The following USP5 variants were observed in gnomAD, a reference collection of about 807,000 sequenced individuals.
USP5 encodes ubiquitin carboxyl-terminal hydrolase 5.
USP5 carries 24 observed loss-of-function variants against 102.5 expected under a neutral mutation model. That is an observed-to-expected ratio of 0.23 (90% CI 0.17 to 0.33). The LOEUF (loss-of-function observed/expected upper bound fraction) is 0.33. Among genes scored for constraint, USP5 ranks in the 10% least tolerant of loss-of-function variants. The pLI is 1.00. For missense variants in USP5, 753 were observed against 1,122.1 expected (o/e 0.67, Z 4.70); for synonymous variants, 460 against 434.8 (o/e 1.06, Z -0.72).
At position 6,860,106 on chromosome 12, in the gene USP5, T is replaced by TC. The variant is rs1555129189; in HGVS notation, c.1131-44dup. 3.1e-6 allele frequency: 5 copies of TC among 1,598,570 alleles called. No homozygotes were observed. Among genetic ancestry groups the TC allele is most frequent in the Non-Finnish European group, 4.3e-6 (5 of 1,173,908 alleles). ...GGGGTTGAGCTGGGGACACACAGGG[T>TC]CGTTAGTTGACTGAAGTGAAATGTT... On this transcript the variant is annotated intron_variant, in intron 9 of 19. Coordinates refer to ENST00000229268, the MANE Select transcript of USP5 (RefSeq NM_001098536.2). The surrounding 1 kb of genome is among the most constrained non-coding windows in gnomAD (Gnocchi z 5.5).
In USP5 at chr12:6,859,458, C is replaced by T. The variant is rs201681376; in HGVS notation, c.1059-12C>T. The stretch of plus-strand genomic sequence containing the variant: ...CCAGAGCCCCTCCAACTGTCCTTCC[C>T]TTGACTTTTAGGTATGTGGATAAGC... On this transcript the variant is annotated splice_polypyrimidine_tract_variant and intron_variant, in intron 8 of 19. Transcript: ENST00000229268. 2.0e-4 allele frequency: 315 copies of T among 1,614,060 alleles called. No homozygotes were observed. The African/African-American group carries it at 3.0e-3, about 16-fold the overall frequency.
rs1944097151 is a variant in USP5 at position 6,855,947 on chromosome 12, G to A, written c.305-70G>A. ...GAACTCTGGATGGGGCAAGTGAGGT[G>A]CTGGCTCGGAGGAGGGACATTGACC... On this transcript the variant is annotated intron_variant, in intron 3 of 19. Coordinates refer to ENST00000229268, the MANE Select transcript of USP5 (RefSeq NM_001098536.2). The surrounding 1 kb of genome is among the most constrained non-coding windows in gnomAD (Gnocchi z 4.6). 1.9e-6 allele frequency: 3 copies of A among 1,606,598 alleles called. No homozygotes were observed. Among genetic ancestry groups the A allele is most frequent in the Admixed American group, 3.3e-5 (2 of 59,848 alleles).
chr12:6,860,279 G>A lies in USP5; in HGVS notation c.1218+41G>A. ...TGTCCCTTTCAGGCCCTGGGATTGTGGGGAAGCTGAGGTCTGGGAGATGTC... is the reference window on the plus strand; with the variant it reads ...TGTCCCTTTCAGGCCCTGGGATTGTAGGGAAGCTGAGGTCTGGGAGATGTC... On this transcript the variant is annotated intron_variant, in intron 10 of 19. Transcript: ENST00000229268. The surrounding 1 kb of genome is among the most constrained non-coding windows in gnomAD (Gnocchi z 5.5). The A allele has an allele frequency of 6.2e-7, 1 of 1,611,022 alleles. No homozygotes were observed. Among genetic ancestry groups the A allele is most frequent in the Non-Finnish European group, 8.5e-7 (1 of 1,177,796 alleles).
chr12:6,862,622 A>G (rs1944312485), intron 14 of USP5, 64 bp downstream of exon 14: 1 of 1,442,740 alleles, frequency 6.9e-7, no homozygotes, highest in East Asian at 2.3e-5. Flanking sequence ...GCTTTAACAC[A>G]TATAAACTAG....
In USP5 at chr12:6,864,776, G is replaced by T; in HGVS notation, c.2299G>T (p.Asp767Tyr). 6.2e-7 allele frequency: 1 copy of T among 1,613,690 alleles called. No individual in the cohort carries two copies. Among genetic ancestry groups the T allele is most frequent in the Non-Finnish European group, 8.5e-7 (1 of 1,180,046 alleles). The stretch of plus-strand genomic sequence containing the variant: ...GATCTTCAGTCACATTGACGACCTG[G>T]ATGCTGAAGCTGCCATGGACATCTC... Reference protein sequence around the residue: ...DWIFSHIDDLDAEAAMDISEG... With the variant: ...DWIFSHIDDLYAEAAMDISEG... The change falls in exon 18 of 20, where the codon GAT (aspartate) becomes TAT (tyrosine). Residue 767 changes from aspartate to tyrosine, a missense_variant. Physicochemically the swap from Asp to Tyr is radical, Grantham distance 160. This residue lies in a region of USP5 where 193 missense variants were observed against 230.2 expected (regional missense o/e 0.84). Coordinates refer to ENST00000229268, the MANE Select transcript of USP5 (RefSeq NM_001098536.2). The surrounding 1 kb of genome is among the most constrained non-coding windows in gnomAD (Gnocchi z 4.8).
intron 18 of USP5, 84 bp from the exon 19 acceptor site, chr12:6,865,080 T>G: frequency 7.3e-7 from 1 of 1,373,104 alleles, no homozygotes. Flanking sequence ...CTGTCCTGAG[T>G]CTGAGCTGTT....
In USP5 at chr12:6,856,835, G is replaced by A. The variant is rs200723728; in HGVS notation, c.713G>A (p.Arg238Gln). 429 of 1,614,150 alleles carry A rather than the reference G, an allele frequency of 2.7e-4. No homozygotes were observed. Among genetic ancestry groups the A allele is most frequent in the Non-Finnish European group, 1.9e-4 (225 of 1,180,032 alleles). Residue 238 changes from arginine (R) to glutamine (Q), a missense_variant, in exon 6 of 20, where the codon CGA becomes CAA. Transcript: ENST00000229268. The surrounding 1 kb of genome is among the most constrained non-coding windows in gnomAD (Gnocchi z 5.6). ...GGNNHAVEHY[R>Q]ETGYPLAVKL... ...AACAACCACGCTGTGGAGCACTACC[G>A]AGAGACAGGCTACCCGTTAGCTGTC...
Position 6,861,319 on chromosome 12 carries a change from A to T in USP5, c.1499-124A>T, listed in dbSNP as rs1003048231. On this transcript the variant is annotated intron_variant, in intron 12 of 19. Transcript: ENST00000229268. The surrounding 1 kb of genome is among the most constrained non-coding windows in gnomAD (Gnocchi z 4.9). ...TGGAAACAGGCGAGATATATTGGAC[A>T]TGTGTCAGGGGTGCTTTGGAAGGGT... 2.3e-6 allele frequency: 3 copies of T among 1,313,868 alleles called. No individual in the cohort carries two copies. Among genetic ancestry groups the T allele is most frequent in the South Asian group, 1.4e-5 (1 of 70,352 alleles). The allele number at this position is 1,313,868 out of a possible 1,614,324, so 81.4% of individuals were successfully genotyped here. A position where few individuals can be genotyped will look rare whatever the true frequency, so the allele number is the denominator to read the frequency against.
In USP5 at chr12:6,855,360, A is replaced by C; in HGVS notation, c.112-41A>C. 1 of 1,608,750 alleles carries C rather than the reference A, an allele frequency of 6.2e-7. No individual in the cohort carries two copies. The highest frequency in any genetic ancestry group is 8.5e-7 in the Non-Finnish European group (1 of 1,177,552). On this transcript the variant is annotated intron_variant, in intron 1 of 19. Coordinates refer to ENST00000229268, the MANE Select transcript of USP5 (RefSeq NM_001098536.2). This position sits in a 1 kb window ranked among gnomAD's most constrained non-coding sequence, Gnocchi z 4.6. ...TGGTTTCCTCACCTGACCAGGCTTC[A>C]TAACATCCTCGTGTTTTCACCCTTA... is the stretch of plus-strand genomic sequence containing the variant.
Position 6,860,826 on chromosome 12 carries a change from CT to C in USP5, c.1345-126del. On this transcript the variant is annotated intron_variant, in intron 11 of 19. Coordinates refer to ENST00000229268, the MANE Select transcript of USP5 (RefSeq NM_001098536.2). This position sits in a 1 kb window ranked among gnomAD's most constrained non-coding sequence, Gnocchi z 5.5. ...GTTGGTGAATTAGGGAAGGTTTCTG[CT>C]CTGCTCTTGTGTCCCTGAGTTCCGA... is the stretch of plus-strand genomic sequence containing the variant. 7.2e-7 allele frequency: 1 copy of C among 1,387,226 alleles called. No homozygotes were observed. The highest frequency in any genetic ancestry group is 9.9e-7 in the Non-Finnish European group (1 of 1,009,072). The allele number at this position is 1,387,226 out of a possible 1,614,324, so 85.9% of individuals were successfully genotyped here. A position where few individuals can be genotyped will look rare whatever the true frequency, so the allele number is the denominator to read the frequency against.
rs781892418 is a variant in USP5 at position 6,864,715 on chromosome 12, C to T, written c.2245-7C>T. 1.9e-6 allele frequency: 3 copies of T among 1,605,184 alleles called. No homozygotes were observed. The African/African-American group carries it at 4.0e-5, about 21-fold the overall frequency. On this transcript the variant is annotated splice_region_variant and splice_polypyrimidine_tract_variant and intron_variant, in intron 17 of 19. Transcript: ENST00000229268. The surrounding 1 kb of genome is among the most constrained non-coding windows in gnomAD (Gnocchi z 4.8). ...AGAAAAAAAGTAATGCTTCCTTCCTCTCCAAGAACAATAGTTTAGAACGGG... is the reference window on the plus strand; with the variant it reads ...AGAAAAAAAGTAATGCTTCCTTCCTTTCCAAGAACAATAGTTTAGAACGGG...
In USP5 at chr12:6,856,042, C is replaced by T. The variant is rs182182969; in HGVS notation, c.330C>T (p.Ser110=). 28 of 1,614,086 alleles carry T rather than the reference C, an allele frequency of 1.7e-5. 1 individual carries two copies. The Admixed American group carries it at 1.8e-4, about 11-fold the overall frequency. Residue 110 remains serine (S), a synonymous_variant, in exon 4 of 20, where the codon AGC becomes AGT. Coordinates refer to ENST00000229268, the MANE Select transcript of USP5 (RefSeq NM_001098536.2). This position sits in a 1 kb window ranked among gnomAD's most constrained non-coding sequence, Gnocchi z 5.6. Reference sequence around the variant, plus strand: ...GTGTTGAAGGCGGATTTGACCTTAGCGAGGAGAAGTTTGAATTAGACGAGG... The same window carrying T: ...GTGTTGAAGGCGGATTTGACCTTAGTGAGGAGAAGTTTGAATTAGACGAGG... ...AIGVEGGFDL[S]EEKFELDEDV...
intron 18 of USP5, 30 bp from the exon 19 acceptor site, chr12:6,865,134 C>T (rs782221266): frequency 4.4e-6 from 7 of 1,578,060 alleles, no homozygotes; most frequent in Non-Finnish European, 6.1e-6. Flanking sequence ...TCTTCTGTTT[C>T]CTTCTCTGAC....
chr12:6,865,897 C>G (rs540092231), intron 19 of USP5, 87 bp from the exon 20 acceptor site: 23 of 1,204,198 alleles, frequency 1.9e-5, no homozygotes, highest in African/African-American at 3.0e-5. Context: ...GTGGAGAGCA[C>G]TTCCAGGGGC....
chr12:6,852,156 T>C lies in USP5; in HGVS notation c.-24T>C, dbSNP rs781928247. On this transcript the variant is annotated 5_prime_UTR_variant, in exon 1 of 20. Coordinates refer to ENST00000229268, the MANE Select transcript of USP5 (RefSeq NM_001098536.2). ...ACTGGGAACGGTGGGAGCCGCCGTG[T>C]GTGGAGAAGCTGCTGCCGGTGTCAT... is the stretch of plus-strand genomic sequence containing the variant. 12 of 1,599,318 alleles carry C rather than the reference T, an allele frequency of 7.5e-6. No homozygotes were observed. In the Admixed American group the frequency reaches 1.2e-4, roughly 16 times the overall value.
chr12:6,854,049 CTCCA>C (rs143690122), intron 1 of USP5, among the ~76,000 whole-genome samples: 3,369 of 152,322 alleles, frequency 0.022, 124 homozygotes, highest in African/African-American at 0.075. Flanking sequence ...CCTCCACCTT[CTCCA>C]TCACTCTTTA....
At position 6,864,739 on chromosome 12, in the gene USP5, G is replaced by T. The variant is rs782013738; in HGVS notation, c.2262G>T (p.Arg754=). The change falls in exon 18 of 20, where the codon CGG becomes CGT. Residue 754 remains arginine (R), a synonymous_variant. Transcript: ENST00000229268. The surrounding 1 kb of genome is among the most constrained non-coding windows in gnomAD (Gnocchi z 4.8). ...TCTCCAAGAACAATAGTTTAGAACGGGCTGTGGACTGGATCTTCAGTCACA... is the reference window on the plus strand; with the variant it reads ...TCTCCAAGAACAATAGTTTAGAACGTGCTGTGGACTGGATCTTCAGTCACA... The part of the protein sequence containing the change: ...ALRATNNSLE[R]AVDWIFSHID... 4 of 1,611,080 alleles carry T rather than the reference G, an allele frequency of 2.5e-6. No individual in the cohort carries two copies. The African/African-American group carries it at 4.0e-5, about 16-fold the overall frequency.
rs1944088011 is a variant in USP5, at chr12:6,855,662, C to T, written c.238-93C>T. ...AGATGTTTTTTAGCTTTATTCCGTTCTGAGATGAAGCACTACCTCCTTCCG... is the reference window on the plus strand; with the variant it reads ...AGATGTTTTTTAGCTTTATTCCGTTTTGAGATGAAGCACTACCTCCTTCCG... On this transcript the variant is annotated intron_variant, in intron 2 of 19. Coordinates refer to ENST00000229268, the MANE Select transcript of USP5 (RefSeq NM_001098536.2). The surrounding 1 kb of genome is among the most constrained non-coding windows in gnomAD (Gnocchi z 4.6). 1 of 1,595,168 alleles carries T rather than the reference C, an allele frequency of 6.3e-7. No homozygotes were observed. The highest frequency in any genetic ancestry group is 8.6e-7 in the Non-Finnish European group (1 of 1,168,046).
At chr12:6,857,096 G>A (rs1944138934) in intron 6 of USP5, among the ~76,000 whole-genome samples, 1 of 151,892 alleles carries the variant, frequency 6.6e-6, no homozygotes. Flanking sequence ...GACCAGCCTG[G>A]GCAACATAGT....
Sources: gnomAD v4.1 joint callset for allele counts (sites outside exome capture counted in the v4.1 genomes callset) on GRCh38, gnomAD v4.1.1 for gene constraint, gnomAD v4.1.1 regional missense constraint, Gnocchi (gnomAD v3.1) non-coding constraint, MANE v1.5 for transcripts, NCBI Gene and HGNC (gene_info 2026-07-23, HGNC 2026-07-21) for gene names.